KIAA0586: variants seen among roughly 807,000 people sequenced by gnomAD.
The protein encoded by KIAA0586 is KIAA0586.
KIAA0586 carries 144 observed loss-of-function variants against 169.8 expected under a neutral mutation model. That is an observed-to-expected ratio of 0.85 (90% CI 0.74 to 0.97). The LOEUF is 0.97. KIAA0586 is among the 50% of genes least tolerant of loss of function. The pLI is 0.00. For missense variants in KIAA0586, 1,854 were observed against 1,823.0 expected (o/e 1.02, Z -0.31); for synonymous variants, 625 against 612.4 (o/e 1.02, Z -0.30).
Position 58,461,021 on chromosome 14 carries a change from A to C in KIAA0586, c.1920A>C (p.Glu640Asp). 6.2e-7 allele frequency: 1 copy of C among 1,609,426 alleles called. No homozygotes were observed. Among genetic ancestry groups the C allele is most frequent in the Non-Finnish European group, 8.5e-7 (1 of 1,178,394 alleles). ...AAGCAACCACAGTAATACAAGATGA[A>C]GATTATATGTTACAAGTCTATGGAA... ...LLKATTVIQD[E>D]DYMLQVYGKP... The change falls in exon 14 of 31, where the codon GAA becomes GAC. Residue 640 changes from glutamate (E) to aspartate (D), a missense_variant. Transcript: ENST00000652326.
chr14:58,511,899 A>C (rs1458878153), intron 28 of KIAA0586, among the ~76,000 whole-genome samples: 1 of 152,174 alleles, frequency 6.6e-6, no homozygotes, highest in Non-Finnish European at 1.5e-5. Flanking sequence ...ATAAAATAGG[A>C]AAGAGAAGAA....
At chr14:58,430,610 A>G in intron 2 of KIAA0586, 38 bp from the exon 3 acceptor site, 1 of 1,253,462 alleles carries the variant, frequency 8.0e-7, no homozygotes, top group Non-Finnish European at 1.1e-6. Flanking sequence ...TAAATCATGA[A>G]GTTTATTTAG....
At chr14:58,512,712 C>A in intron 29 of KIAA0586, 85 bp downstream of exon 29, 2 of 728,744 alleles carry the variant, frequency 2.7e-6, no homozygotes, top group Non-Finnish European at 4.4e-6. Flanking sequence ...ACTTTTTATA[C>A]ATCCCACTGC....
At chr14:58,519,117 G>C (rs966122131) in intron 29 of KIAA0586, among the ~76,000 whole-genome samples, 3 of 152,216 alleles carry the variant, frequency 2.0e-5, no homozygotes, top group African/African-American at 7.2e-5. Context: ...GGGCCACAAA[G>C]TGAGACTCTG....
intron 4 of KIAA0586, 58 bp from the exon 5 acceptor site, chr14:58,442,648 T>G (rs2038495971): frequency 8.1e-7 from 1 of 1,233,010 alleles, no homozygotes; most frequent in African/African-American, 1.5e-5. Context: ...GTTAAGTATT[T>G]CTTGAAATGT....
intron 30 of KIAA0586, 44 bp downstream of exon 30, chr14:58,540,180 G>C (rs766415819): frequency 7.3e-6 from 8 of 1,092,354 alleles, no homozygotes; most frequent in South Asian, 2.9e-5. Flanking sequence ...GAGCTGTTCA[G>C]ATTTTTTCAT....
chr14:58,481,789 C>T (rs1364854864), intron 20 of KIAA0586, among the ~76,000 whole-genome samples: 17 of 133,642 alleles, frequency 1.3e-4, no homozygotes, highest in Non-Finnish European at 2.2e-4. Flanking sequence ...CCCCCATACA[C>T]GTATATTGGC....
chr14:58,526,856 G>A lies in KIAA0586; in HGVS notation c.4430-13215G>A, dbSNP rs2045617117. Among the ~76,000 whole-genome samples the A allele has an allele frequency of 3.9e-5, 6 of 152,180 alleles. 1 individual carries two copies. The South Asian group carries it at 1.2e-3, about 32-fold the overall frequency. On this transcript the variant is annotated intron_variant, in intron 29 of 30. Coordinates refer to ENST00000652326, the MANE Select transcript of KIAA0586 (RefSeq NM_001329943.3). ...CTGTAATTTCCCTTTGCTTACTCAG[G>A]TCATCTAAACCTAAATAGTCTGAGT...
At chr14:58,509,756 T>A (rs926939108) in intron 28 of KIAA0586, among the ~76,000 whole-genome samples, 13 of 152,140 alleles carry the variant, frequency 8.5e-5, no homozygotes, top group African/African-American at 2.9e-4. Context: ...ATAAAAAAAA[T>A]TTTTGTGACC....
chr14:58,477,726 T>C (rs987112119), intron 20 of KIAA0586, among the ~76,000 whole-genome samples: 1 of 152,096 alleles, frequency 6.6e-6, no homozygotes, highest in African/African-American at 2.4e-5. Flanking sequence ...TTCCTTTCTT[T>C]ATGGTGCCTA....
chr14:58,533,355 G>A (rs533336335), intron 29 of KIAA0586, among the ~76,000 whole-genome samples: 1 of 152,120 alleles, frequency 6.6e-6, no homozygotes, highest in African/African-American at 2.4e-5. Context: ...TTTATCTTTG[G>A]CAAAAAGACC....
intron 4 of KIAA0586, among the ~76,000 whole-genome samples, chr14:58,435,534 A>G (rs2037755246): frequency 6.6e-6 from 1 of 152,134 alleles, no homozygotes; most frequent in Non-Finnish European, 1.5e-5. Flanking sequence ...ATCCTACTAT[A>G]GTCATTCCTC....
intron 29 of KIAA0586, among the ~76,000 whole-genome samples, chr14:58,531,249 C>G (rs2045944944): frequency 6.6e-6 from 1 of 151,152 alleles, no homozygotes; most frequent in African/African-American, 2.4e-5. Flanking sequence ...ATGGCCTGAA[C>G]CCAGAAGGCA....
chr14:58,433,308 C>G (rs2037534784), intron 4 of KIAA0586: 1 of 152,210 alleles, frequency 6.6e-6, no homozygotes, highest in African/African-American at 2.4e-5. Context: ...CTCAGGTGAT[C>G]CGCCCACCTT....
chr14:58,530,041 C>G (rs1489675509), intron 29 of KIAA0586, among the ~76,000 whole-genome samples: 1 of 152,178 alleles, frequency 6.6e-6, no homozygotes, highest in African/African-American at 2.4e-5. Context: ...GCAAAAATCA[C>G]AAGCATTCCT....
At chr14:58,480,096 CAG>C (rs2041927213) in intron 20 of KIAA0586, among the ~76,000 whole-genome samples, 1 of 152,066 alleles carries the variant, frequency 6.6e-6, no homozygotes, top group Non-Finnish European at 1.5e-5. Flanking sequence ...TCCTAGACTT[CAG>C]AGTCTATATT....
chr14:58,492,350 G>T, intron 26 of KIAA0586, 75 bp downstream of exon 26: 2 of 1,328,526 alleles, frequency 1.5e-6, no homozygotes, highest in Non-Finnish European at 2.0e-6. Flanking sequence ...CTTACTACTA[G>T]TTAAAGCATG....
At chr14:58,511,917 C>T (rs555418379) in intron 28 of KIAA0586, among the ~76,000 whole-genome samples, 34 of 152,182 alleles carry the variant, frequency 2.2e-4, no homozygotes, top group African/African-American at 7.9e-4. Flanking sequence ...GAAAGAAAAT[C>T]ACACAATTTG....
rs536939735 is a variant in KIAA0586, at chr14:58,448,193, A to G, written c.808-147A>G. The G allele has an allele frequency of 2.4e-5, 14 of 587,212 alleles. No individual in the cohort carries two copies. In the East Asian group the frequency reaches 3.2e-4, roughly 13 times the overall value. 36.4% of individuals were successfully genotyped at this position (587,212 alleles called of 1,614,324 possible). On this transcript the variant is annotated intron_variant, in intron 6 of 30. Coordinates refer to ENST00000652326, the MANE Select transcript of KIAA0586 (RefSeq NM_001329943.3). ...CCAATGGCATCACTGCTGCTACTAC[A>G]GTGGATACTTGCAATGTAATACATA...
Sources: gnomAD v4.1 joint callset for allele counts (sites outside exome capture counted in the v4.1 genomes callset) on GRCh38, gnomAD v4.1.1 for gene constraint, MANE v1.5 for transcripts, NCBI Gene and HGNC (gene_info 2026-07-23, HGNC 2026-07-21) for gene names.